Variants in BTBD9 observed in about 807,000 individuals in gnomAD.
BTBD9 encodes BTB/POZ domain-containing protein 9.
In BTBD9, 49 loss-of-function variants were observed where a neutral mutation model predicts 64.3. The observed-to-expected ratio is 0.76, with a 90% CI of 0.61 to 0.97. The LOEUF (loss-of-function observed/expected upper bound fraction) is 0.97, where lower values mean the gene tolerates loss of function less well. BTBD9 is among the 50% of genes least tolerant of loss of function. The probability of loss-of-function intolerance (pLI) is 0.00; values close to 1 mark genes in which losing one functional copy is unlikely to be tolerated. For missense variants in BTBD9, 598 were observed against 762.1 expected (o/e 0.78, Z 2.53); for synonymous variants, 260 against 274.7 (o/e 0.95, Z 0.53).
chr6:38,624,942 G>A (rs1778120034), intron 1 of BTBD9, among the ~76,000 whole-genome samples: 1 of 152,118 alleles, frequency 6.6e-6, no homozygotes, highest in Non-Finnish European at 1.5e-5. Flanking sequence ...ATGTTGTAAG[G>A]CAGTTTTCAT....
chr6:38,547,633 T>C (rs921012284), intron 6 of BTBD9, among the ~76,000 whole-genome samples: 4 of 152,178 alleles, frequency 2.6e-5, no homozygotes, highest in Admixed American at 6.5e-5. Context: ...TCTCTGTACG[T>C]GCTGTTCCTT....
intron 6 of BTBD9, among the ~76,000 whole-genome samples, chr6:38,527,301 T>C (rs1268783334): frequency 8.0e-6 from 1 of 125,624 alleles, no homozygotes; most frequent in Non-Finnish European, 1.6e-5. Context: ...AAAAAAGATG[T>C]GATTTGGTGG....
At chr6:38,469,919 T>C (rs1031810114) in intron 6 of BTBD9, among the ~76,000 whole-genome samples, 6 of 152,226 alleles carry the variant, frequency 3.9e-5, no homozygotes, top group African/African-American at 4.8e-5. Context: ...TAATTCAAAA[T>C]TGAGCACGTA....
intron 6 of BTBD9, among the ~76,000 whole-genome samples, chr6:38,363,748 T>C (rs1765071915): frequency 6.6e-6 from 1 of 152,214 alleles, no homozygotes; most frequent in Admixed American, 6.5e-5. Flanking sequence ...TTGAGAGGCA[T>C]ATTACTGGGA....
chr6:38,185,796 G>A (rs2127479038), intron 10 of BTBD9, among the ~76,000 whole-genome samples: 1 of 152,278 alleles, frequency 6.6e-6, no homozygotes, highest in South Asian at 2.1e-4. Flanking sequence ...TGCTTTTGAA[G>A]TTTCCATGAA....
At chr6:38,393,468 A>G (rs1766527822) in intron 6 of BTBD9, among the ~76,000 whole-genome samples, 1 of 151,846 alleles carries the variant, frequency 6.6e-6, no homozygotes, top group Non-Finnish European at 1.5e-5. Flanking sequence ...AACAGAAAGA[A>G]CTTATTCAAC....
chr6:38,332,302 G>A (rs922173005), intron 7 of BTBD9, among the ~76,000 whole-genome samples: 1 of 152,076 alleles, frequency 6.6e-6, no homozygotes, highest in Non-Finnish European at 1.5e-5. Flanking sequence ...GAGTCACATT[G>A]TAAAATCTAC....
At position 38,449,754 on chromosome 6, in the gene BTBD9, G is replaced by GA. The variant is rs527382776; in HGVS notation, c.1155-104662dup. 1.6e-3 allele frequency among the ~76,000 whole-genome samples: 226 copies of GA among 144,438 alleles called. 2 individuals carry two copies. In the South Asian group the frequency reaches 0.019, roughly 12 times the overall value. 94.8% of individuals were successfully genotyped at this position (144,438 alleles called of 152,430 possible). A position where few individuals can be genotyped will look rare whatever the true frequency, so the allele number is the denominator to read the frequency against. On this transcript the variant is annotated intron_variant, in intron 6 of 10. Transcript: ENST00000481247. ...ACCTCATCTCTATTTTTTTAAAAAAGAAAAAAAAAAGATAAAAATCAACTC... is the reference window on the plus strand; with the variant it reads ...ACCTCATCTCTATTTTTTTAAAAAAGAAAAAAAAAAAGATAAAAATCAACTC...
chr6:38,436,772 G>A (rs1416076494), intron 6 of BTBD9, among the ~76,000 whole-genome samples: 1 of 152,132 alleles, frequency 6.6e-6, no homozygotes, highest in Admixed American at 6.5e-5. Flanking sequence ...CCTTGCTTGC[G>A]CTCCCAACTC....
At chr6:38,187,075 C>T (rs942632884) in intron 10 of BTBD9, among the ~76,000 whole-genome samples, 4 of 152,182 alleles carry the variant, frequency 2.6e-5, no homozygotes, top group Admixed American at 2.0e-4. Flanking sequence ...TGTGCCTTTG[C>T]TATTTGCTCA....
chr6:38,288,166 A>G, intron 8 of BTBD9, 106 bp downstream of exon 8: 1 of 1,165,222 alleles, frequency 8.6e-7, no homozygotes. Flanking sequence ...AGCAAAGAAC[A>G]GTAGAATTTC....
intron 6 of BTBD9, among the ~76,000 whole-genome samples, chr6:38,359,062 C>T (rs1033508596): frequency 4.6e-5 from 7 of 152,094 alleles, no homozygotes; most frequent in African/African-American, 2.4e-5. Flanking sequence ...TGAGCCACCG[C>T]GCCCGGCCGG....
At chr6:38,285,693 A>G (rs1761702532) in intron 8 of BTBD9, among the ~76,000 whole-genome samples, 1 of 152,180 alleles carries the variant, frequency 6.6e-6, no homozygotes, top group Non-Finnish European at 1.5e-5. Flanking sequence ...TGAAGTCCCA[A>G]ATAGGTGAAG....
intron 6 of BTBD9, among the ~76,000 whole-genome samples, chr6:38,523,998 T>C (rs556057331): frequency 2.8e-4 from 43 of 152,362 alleles, no homozygotes; most frequent in African/African-American, 1.0e-3. Context: ...TAAGCTGCTT[T>C]GAGATATCTC....
rs1431812088 is a variant in BTBD9 at position 38,174,267 on chromosome 6, C to A, written c.*718G>T. 1 of 152,258 alleles carries A rather than the reference C, an allele frequency of 6.6e-6. No homozygotes were observed. Among genetic ancestry groups the A allele is most frequent in the South Asian group, 2.1e-4 (1 of 4,832 alleles). The allele number at this position is 152,258 out of a possible 1,614,324, so 9.4% of individuals were successfully genotyped here. On this transcript the variant is annotated 3_prime_UTR_variant, in exon 11 of 11. Coordinates refer to ENST00000481247, the MANE Select transcript of BTBD9 (RefSeq NM_001099272.2). ...CACGAGTGACTATTAACTCCAGTGT[C>A]CACAGGTTGATTTGCTTGTGTGCAT...
chr6:38,310,586 A>G (rs2127570285), intron 7 of BTBD9, among the ~76,000 whole-genome samples: 2 of 152,276 alleles, frequency 1.3e-5, no homozygotes, highest in Non-Finnish European at 2.9e-5. Context: ...GCCTTTTACT[A>G]TTGTTTTAAA....
At chr6:38,201,478 C>T (rs138103535) in intron 9 of BTBD9, among the ~76,000 whole-genome samples, 23 of 152,282 alleles carry the variant, frequency 1.5e-4, no homozygotes, top group African/African-American at 5.3e-4. Context: ...AAACCCATAG[C>T]TAACATCGTA....
At chr6:38,479,359 T>C (rs940085760) in intron 6 of BTBD9, among the ~76,000 whole-genome samples, 5 of 150,590 alleles carry the variant, frequency 3.3e-5, no homozygotes, top group Non-Finnish European at 5.9e-5. Context: ...TGGGAAAAAA[T>C]TGAAAGATAG....
At chr6:38,351,445 T>C (rs1764502965) in intron 6 of BTBD9, among the ~76,000 whole-genome samples, 1 of 150,986 alleles carries the variant, frequency 6.6e-6, no homozygotes, top group Non-Finnish European at 1.5e-5. Flanking sequence ...ATGAGATAGG[T>C]AGAAATAATT....
Sources: allele counts gnomAD v4.1 joint callset (sites outside exome capture counted in the v4.1 genomes callset), GRCh38; gene constraint gnomAD v4.1.1; transcripts MANE v1.5; gene names NCBI Gene and HGNC (gene_info 2026-07-23, HGNC 2026-07-21).